Variants in NEDD1 observed in about 807,000 individuals in gnomAD.
NEDD1 encodes the protein protein NEDD1.
A neutral mutation model predicts 74.0 loss-of-function variants in NEDD1; 33 were observed. The ratio of observed to expected loss-of-function variants is 0.45; its 90% confidence interval spans 0.34 to 0.60. NEDD1 has a LOEUF of 0.60. NEDD1 is among the 20% of genes least tolerant of loss of function. The probability of loss-of-function intolerance (pLI) is 0.01; values close to 1 mark genes in which losing one functional copy is unlikely to be tolerated. For synonymous variants in NEDD1, 250 were observed against 264.4 expected (o/e 0.95, Z 0.53); for missense variants, 746 against 776.5 (o/e 0.96, Z 0.47).
At position 96,952,977 on chromosome 12, in the gene NEDD1, G is replaced by C. The variant is rs900994699; in HGVS notation, c.*924G>C. 2 of 150,358 alleles carry C rather than the reference G, an allele frequency of 1.3e-5. No individual in the cohort carries two copies. The highest frequency in any genetic ancestry group is 4.9e-5 in the African/African-American group (2 of 40,998). The allele number at this position is 150,358 out of a possible 1,614,324, so 9.3% of individuals were successfully genotyped here. A position where few individuals can be genotyped will look rare whatever the true frequency, so the allele number is the denominator to read the frequency against. ...CTGTGTATAATATTTTTATATTATT[G>C]GCCTTACCATAAAATTATTTAGAAA... On this transcript the variant is annotated 3_prime_UTR_variant, in exon 16 of 16. Coordinates refer to ENST00000266742, the MANE Select transcript of NEDD1 (RefSeq NM_152905.4).
At chr12:96,932,458 AAAAAAATATATATAT>A (rs1565801232) in intron 6 of NEDD1, among the ~76,000 whole-genome samples, 2 of 51,726 alleles carry the variant, frequency 3.9e-5, no homozygotes, top group Admixed American at 5.5e-4. Context: ...AAAAAAAAAA[AAAAAAATATATATAT>A]ATATATATAT....
At chr12:96,941,976 G>A (rs1468376079) in intron 10 of NEDD1, among the ~76,000 whole-genome samples, 2 of 151,980 alleles carry the variant, frequency 1.3e-5, no homozygotes, top group Non-Finnish European at 2.9e-5. Flanking sequence ...TAGTAAATTC[G>A]TTAATGACTT....
intron 13 of NEDD1, 128 bp from the exon 14 acceptor site, chr12:96,945,565 T>C: frequency 1.7e-6 from 1 of 600,612 alleles, no homozygotes; most frequent in South Asian, 2.2e-5. Flanking sequence ...AGTGAATTTT[T>C]CTAAATGTCA....
At chr12:96,947,513 G>A (rs1878311374) in intron 14 of NEDD1, among the ~76,000 whole-genome samples, 1 of 152,138 alleles carries the variant, frequency 6.6e-6, no homozygotes, top group South Asian at 2.1e-4. Context: ...GTAATGGAGA[G>A]CCATCAGAGT....
At chr12:96,951,407 A>C (rs780514870) in intron 14 of NEDD1, 25 bp from the exon 15 acceptor site, 4 of 1,414,504 alleles carry the variant, frequency 2.8e-6, no homozygotes, top group Non-Finnish European at 3.9e-6. Flanking sequence ...TTGTAATTCT[A>C]AAAAGTATTT....
intron 6 of NEDD1, 48 bp downstream of exon 6, chr12:96,920,173 A>G (rs781516305): frequency 4.1e-6 from 5 of 1,226,410 alleles, no homozygotes; most frequent in Non-Finnish European, 5.6e-6. Context: ...TAGATTTTGA[A>G]TTGTATCTTA....
chr12:96,950,074 A>C (rs768657900), intron 14 of NEDD1, among the ~76,000 whole-genome samples: 26 of 152,046 alleles, frequency 1.7e-4, no homozygotes, highest in Non-Finnish European at 3.8e-4. Flanking sequence ...TGCAGTTCTC[A>C]TATAAATAAC....
At chr12:96,928,882 A>T (rs1876028664) in intron 6 of NEDD1, among the ~76,000 whole-genome samples, 1 of 151,176 alleles carries the variant, frequency 6.6e-6, no homozygotes, top group Non-Finnish European at 1.5e-5. Context: ...GTAGAGATGG[A>T]GGTTTCACCA....
In NEDD1 at chr12:96,912,703, C is replaced by T; in HGVS notation, c.137-20C>T. ...ATAGATGTTCATGGATTGTTTGATG[C>T]TCCATAACTCCTCATTTAGATAACT... On this transcript the variant is annotated intron_variant, in intron 3 of 15. Coordinates refer to ENST00000266742, the MANE Select transcript of NEDD1 (RefSeq NM_152905.4). The T allele has an allele frequency of 8.5e-7, 1 of 1,179,692 alleles. No homozygotes were observed. The highest frequency in any genetic ancestry group is 1.3e-6 in the Non-Finnish European group (1 of 787,420). The allele number at this position is 1,179,692 out of a possible 1,614,324, so 73.1% of individuals were successfully genotyped here.
At chr12:96,948,642 T>C (rs1219006318) in intron 14 of NEDD1, among the ~76,000 whole-genome samples, 3 of 152,240 alleles carry the variant, frequency 2.0e-5, no homozygotes, top group Non-Finnish European at 2.9e-5. Context: ...TCTGTGCATC[T>C]GTTTCTGTTG....
chr12:96,912,939 C>G, intron 4 of NEDD1, 122 bp downstream of exon 4: 2 of 575,744 alleles, frequency 3.5e-6, no homozygotes, highest in Non-Finnish European at 6.2e-6. Flanking sequence ...TTAACTTAAG[C>G]TCAAAATAAT....
intron 6 of NEDD1, 100 bp from the exon 7 acceptor site, chr12:96,934,876 C>T (rs942274755): frequency 6.6e-6 from 5 of 760,826 alleles, no homozygotes; most frequent in Middle Eastern, 6.4e-4. Flanking sequence ...AATCCTAAAC[C>T]CCATGTGAAT....
intron 6 of NEDD1, among the ~76,000 whole-genome samples, chr12:96,926,526 G>C (rs1875712035): frequency 6.6e-6 from 1 of 151,530 alleles, no homozygotes; most frequent in East Asian, 1.9e-4. Context: ...TCCTTTTATG[G>C]GCAGCATAAT....
Position 96,929,596 on chromosome 12 carries a change from CACACAT to C in NEDD1, c.490-5378_490-5373del, listed in dbSNP as rs1360938162. On this transcript the variant is annotated intron_variant, in intron 6 of 15. Coordinates refer to ENST00000266742, the MANE Select transcript of NEDD1 (RefSeq NM_152905.4). Reference sequence around the variant, plus strand: ...ACACACACACACACACACACACACACACACATATGTGTATATATATATATATATTTT... The same window carrying C: ...ACACACACACACACACACACACACACATGTGTATATATATATATATATTTT... Among the ~76,000 whole-genome samples the C allele has an allele frequency of 4.3e-3, 287 of 67,000 alleles. 2 individuals are homozygous for C. Among genetic ancestry groups the C allele is most frequent in the African/African-American group, 0.02 (271 of 13,484 alleles). The allele number at this position is 67,000 out of a possible 152,430, so 44.0% of individuals were successfully genotyped here. A position where few individuals can be genotyped will look rare whatever the true frequency, so the allele number is the denominator to read the frequency against.
Position 96,912,738 on chromosome 12 carries a change from C to G in NEDD1, c.152C>G (p.Thr51Arg), listed in dbSNP as rs1266888140. The G allele has an allele frequency of 6.3e-7, 1 of 1,587,604 alleles. No individual in the cohort carries two copies. The highest frequency in any genetic ancestry group is 8.6e-7 in the Non-Finnish European group (1 of 1,156,770). Residue 51 changes from threonine to arginine, a missense_variant, in exon 4 of 16, where the codon ACA becomes AGA. Transcript: ENST00000266742. ...CWSSNNNFLV[T>R]ASSSGDKIVV... Reference sequence around the variant, plus strand: ...CCTCATTTAGATAACTTTTTAGTAACAGCATCTTCCAGTGGCGACAAAATA... The same window carrying G: ...CCTCATTTAGATAACTTTTTAGTAAGAGCATCTTCCAGTGGCGACAAAATA...
intron 1 of NEDD1, 35 bp from the exon 2 acceptor site, chr12:96,907,569 T>G (rs1433213142): frequency 1.9e-6 from 3 of 1,545,298 alleles, no homozygotes; most frequent in Non-Finnish European, 2.6e-6. Context: ...GTCTGTCTCC[T>G]TTTTTGTCAA....
chr12:96,946,194 C>CTT (rs1198557921), intron 14 of NEDD1, among the ~76,000 whole-genome samples: 1 of 152,046 alleles, frequency 6.6e-6, no homozygotes, highest in African/African-American at 2.4e-5. Flanking sequence ...ATTAGGTATG[C>CTT]TGTGTGCAAT....
intron 6 of NEDD1, among the ~76,000 whole-genome samples, chr12:96,930,322 A>G (rs1401305015): frequency 6.6e-6 from 1 of 152,126 alleles, no homozygotes. Context: ...GATTCTGTAT[A>G]TAGTCATACT....
chr12:96,907,903 A>C, intron 2 of NEDD1, 47 bp downstream of exon 2: 1 of 1,310,376 alleles, frequency 7.6e-7, no homozygotes, highest in Non-Finnish European at 9.8e-7. Context: ...TAAGAGCCGA[A>C]AACAAACATT....
Sources: allele counts gnomAD v4.1 joint callset (sites outside exome capture counted in the v4.1 genomes callset), GRCh38; gene constraint gnomAD v4.1.1; transcripts MANE v1.5; gene names NCBI Gene and HGNC (gene_info 2026-07-23, HGNC 2026-07-21).